TPX2: variants seen among roughly 807,000 people sequenced by gnomAD.
TPX2 encodes targeting protein for Xklp2.
In TPX2, 21 loss-of-function variants were observed where a neutral mutation model predicts 93.6. The ratio of observed to expected loss-of-function variants is 0.22; its 90% CI spans 0.16 to 0.32. The LOEUF (loss-of-function observed/expected upper bound fraction) is 0.32, where lower values mean the gene tolerates loss of function less well. TPX2 is among the 10% of genes least tolerant of loss of function. The pLI is 1.00. For missense variants in TPX2, 776 were observed against 871.1 expected (o/e 0.89, Z 1.37); for synonymous variants, 281 against 298.3 (o/e 0.94, Z 0.60).
At chr20:31,750,162 CTT>C (rs767712530) in intron 2 of TPX2, among the ~76,000 whole-genome samples, 5 of 137,636 alleles carry the variant, frequency 3.6e-5, no homozygotes, top group Non-Finnish European at 1.6e-5. Flanking sequence ...GTCTCGATTT[CTT>C]TTTTTTTTTT....
intron 17 of TPX2, among the ~76,000 whole-genome samples, chr20:31,800,300 A>G (rs2062162832): frequency 6.6e-6 from 1 of 152,192 alleles, no homozygotes; most frequent in South Asian, 2.1e-4. Flanking sequence ...CCCGGCCTCA[A>G]CTTTGATTTT....
intron 8 of TPX2, among the ~76,000 whole-genome samples, 157 bp from the exon 9 acceptor site, chr20:31,777,330 T>C (rs1212502655): frequency 6.6e-6 from 1 of 152,220 alleles, no homozygotes; most frequent in African/African-American, 2.4e-5. Flanking sequence ...CATATATTAG[T>C]GTCCCTGAGG....
intron 2 of TPX2, among the ~76,000 whole-genome samples, chr20:31,753,165 A>G (rs1049955344): frequency 3.3e-5 from 5 of 152,228 alleles, no homozygotes; most frequent in African/African-American, 1.2e-4. Context: ...AAATAAATAC[A>G]GTATTCTTTT....
intron 7 of TPX2, 58 bp from the exon 8 acceptor site, chr20:31,775,809 T>C: frequency 7.1e-7 from 1 of 1,404,196 alleles, no homozygotes; most frequent in South Asian, 1.9e-5. Context: ...TAGATTCTTT[T>C]GAGTCACTGG....
Position 31,760,107 on chromosome 20 carries a change from G to T in TPX2, c.157G>T (p.Gly53Trp), listed in dbSNP as rs749008811. The T allele has an allele frequency of 6.2e-7, 1 of 1,613,750 alleles. No individual in the cohort carries two copies. Among genetic ancestry groups the T allele is most frequent in the Non-Finnish European group, 8.5e-7 (1 of 1,179,968 alleles). The part of the protein sequence containing the change: ...NKLLGKNGTG[G>W]LFQGKTPLRK... ...GTTACTGGGGAAGAATGGAACTGGA[G>T]GGCTTTTTCAGGGCAAAACTCCTTT... Residue 53 changes from glycine (G) to tryptophan (W), a missense_variant, in exon 4 of 18, where the codon GGG becomes TGG. By Grantham distance (184) the Gly-to-Trp change is radical. This residue lies in a region of TPX2 where 36 missense variants were observed against 58.3 expected (regional missense o/e 0.62). Transcript: ENST00000300403.
Position 31,740,825 on chromosome 20 carries a change from G to C in TPX2, c.-178+1204G>C, listed in dbSNP as rs6060914. Among the ~76,000 whole-genome samples the C allele has an allele frequency of 1.8e-4, 28 of 152,258 alleles. 1 individual carries two copies. The highest frequency in any genetic ancestry group is 6.5e-4 in the African/African-American group (27 of 41,544). ...ATTCTTGATAACCAGAGTTTGGTTA[G>C]ACAGGGACTGAAACAATCCTAGTGC... is the stretch of plus-strand genomic sequence containing the variant. On this transcript the variant is annotated intron_variant, in intron 1 of 17. Transcript: ENST00000300403.
chr20:31,776,596 G>A (rs567492693), intron 8 of TPX2, among the ~76,000 whole-genome samples: 2 of 150,794 alleles, frequency 1.3e-5, no homozygotes, highest in African/African-American at 2.4e-5. Context: ...CGTGATCTCC[G>A]CTCAACACAA....
rs2062165877 is a variant in TPX2, at chr20:31,800,769, T to C, written c.2134-201T>C. Among the ~76,000 whole-genome samples, 4 of 152,308 alleles carry C rather than the reference T, an allele frequency of 2.6e-5. No individual in the cohort carries two copies. In the South Asian group the frequency reaches 6.2e-4, roughly 24 times the overall value. On this transcript the variant is annotated intron_variant, in intron 17 of 17. Coordinates refer to ENST00000300403, the MANE Select transcript of TPX2 (RefSeq NM_012112.5). ...CTGGGGGACCCAATAGAGACCTGAATAGAAACCCTTTTGGGCTCCAAAGCA... is the reference window on the plus strand; with the variant it reads ...CTGGGGGACCCAATAGAGACCTGAACAGAAACCCTTTTGGGCTCCAAAGCA...
intron 12 of TPX2, among the ~76,000 whole-genome samples, chr20:31,785,060 C>T (rs1298731313): frequency 6.6e-6 from 1 of 152,138 alleles, no homozygotes; most frequent in African/African-American, 2.4e-5. Context: ...ATTTTCTTAG[C>T]ACTAAATCAG....
chr20:31,760,962 C>T (rs752357498), intron 4 of TPX2, among the ~76,000 whole-genome samples: 4 of 151,936 alleles, frequency 2.6e-5, no homozygotes, highest in Non-Finnish European at 4.4e-5. Flanking sequence ...GTCATAAAAT[C>T]CTTCTTGAAA....
rs764899362 is a variant in TPX2 at position 31,797,385 on chromosome 20, C to A, written c.1834-19C>A. 1 of 1,612,730 alleles carries A rather than the reference C, an allele frequency of 6.2e-7. No homozygotes were observed. Among genetic ancestry groups the A allele is most frequent in the Non-Finnish European group, 8.5e-7 (1 of 1,179,050 alleles). ...GAAAGGTGAGACATTGCTCATCTGA[C>A]TGACTTTCTCTCTAATAGCTGGAAG... On this transcript the variant is annotated intron_variant, in intron 15 of 17. Transcript: ENST00000300403.
In TPX2 at chr20:31,793,927, C is replaced by A; in HGVS notation, c.1589C>A (p.Ala530Glu). Residue 530 changes from alanine (A) to glutamate (E), a missense_variant, in exon 14 of 18, where the codon GCA (alanine) becomes GAA (glutamate). Transcript: ENST00000300403. Reference sequence around the variant, plus strand: ...CCTTTTAAGCCCCAAATCCCAGAGGCAAGAACTGTGGAAATATGCCCTTTC... The same window carrying A: ...CCTTTTAAGCCCCAAATCCCAGAGGAAAGAACTGTGGAAATATGCCCTTTC... ...GVPFKPQIPE[A>E]RTVEICPFSF... 1 of 1,613,896 alleles carries A rather than the reference C, an allele frequency of 6.2e-7. No individual in the cohort carries two copies. Among genetic ancestry groups the A allele is most frequent in the African/African-American group, 1.3e-5 (1 of 75,000 alleles).
intron 3 of TPX2, among the ~76,000 whole-genome samples, chr20:31,759,081 A>G (rs1178054405): frequency 6.6e-6 from 1 of 152,026 alleles, no homozygotes; most frequent in African/African-American, 2.4e-5. Context: ...TTACTTTCCA[A>G]TTTCTTTCCC....
chr20:31,797,848 A>G (rs2062147476), intron 16 of TPX2, among the ~76,000 whole-genome samples: 2 of 152,142 alleles, frequency 1.3e-5, no homozygotes, highest in South Asian at 2.1e-4. Flanking sequence ...TTCACCCTGA[A>G]GCAAACTTTA....
intron 11 of TPX2, among the ~76,000 whole-genome samples, chr20:31,782,931 C>CACAA (rs1555787511): frequency 6.4e-5 from 9 of 141,188 alleles, no homozygotes; most frequent in African/African-American, 1.1e-4. Flanking sequence ...CACACACACA[C>CACAA]AAAATCTAAT....
chr20:31,757,843 G>T (rs2061861240), intron 3 of TPX2, among the ~76,000 whole-genome samples: 1 of 152,174 alleles, frequency 6.6e-6, no homozygotes, highest in Non-Finnish European at 1.5e-5. Flanking sequence ...AAGTTCAGAT[G>T]AACCAGTGTT....
chr20:31,770,316 T>C lies in TPX2; in HGVS notation c.357-27T>C, dbSNP rs1450366089. 2.0e-6 allele frequency: 3 copies of C among 1,464,784 alleles called. 1 individual carries two copies. The highest frequency in any genetic ancestry group is 2.9e-5 in the South Asian group (2 of 68,908). 90.7% of individuals were successfully genotyped at this position (1,464,784 alleles called of 1,614,324 possible). ...ATATCTGTAGTATATATATTTATTA[T>C]ATATTTTGTCAATTTCTCTACCATA... On this transcript the variant is annotated intron_variant, in intron 5 of 17. Coordinates refer to ENST00000300403, the MANE Select transcript of TPX2 (RefSeq NM_012112.5).
At chr20:31,757,877 T>C (rs1349413990) in intron 3 of TPX2, among the ~76,000 whole-genome samples, 1 of 152,206 alleles carries the variant, frequency 6.6e-6, no homozygotes, top group South Asian at 2.1e-4. Context: ...TGCTCAAATA[T>C]GTCTGTAGTG....
intron 17 of TPX2, among the ~76,000 whole-genome samples, chr20:31,799,496 T>A (rs1057074725): frequency 3.3e-5 from 5 of 152,204 alleles, no homozygotes; most frequent in African/African-American, 1.2e-4. Flanking sequence ...TTAATTAGCA[T>A]CTTGCTAATT....
Sources: gnomAD v4.1 joint callset for allele counts (sites outside exome capture counted in the v4.1 genomes callset) on GRCh38, gnomAD v4.1.1 for gene constraint, gnomAD v4.1.1 regional missense constraint, MANE v1.5 for transcripts, NCBI Gene and HGNC (gene_info 2026-07-23, HGNC 2026-07-21) for gene names.